Variants in COBL observed in about 807,000 individuals in gnomAD.
The protein encoded by COBL is cordon-bleu WH2 repeat protein, also known as protein cordon-bleu.
Under a neutral mutation model 98.8 loss-of-function variants are expected in COBL, and 51 were observed. The observed-to-expected ratio is 0.52, with a 90% CI of 0.41 to 0.65. The LOEUF (loss-of-function observed/expected upper bound fraction) is 0.65, where lower values mean the gene tolerates loss of function less well. COBL is among the 30% of genes least tolerant of loss of function. The probability of loss-of-function intolerance (pLI) is 0.00; values close to 1 mark genes in which losing one functional copy is unlikely to be tolerated. For synonymous variants in COBL, 634 were observed against 651.7 expected (o/e 0.97, Z 0.41); for missense variants, 1,617 against 1,617.5 (o/e 1.00, Z 0.01).
chr7:51,082,131 C>T (rs1793715005), intron 7 of COBL, among the ~76,000 whole-genome samples: 1 of 152,036 alleles, frequency 6.6e-6, no homozygotes, highest in African/African-American at 2.4e-5. Flanking sequence ...GTCAACACTT[C>T]CAAAGAAGAC....
At chr7:51,148,825 T>G (rs1365218307) in intron 5 of COBL, among the ~76,000 whole-genome samples, 4 of 151,894 alleles carry the variant, frequency 2.6e-5, no homozygotes. Context: ...GGGCTGGCCA[T>G]TCAGACACCC....
At chr7:51,216,078 C>A (rs1793010727) in intron 2 of COBL, among the ~76,000 whole-genome samples, 3 of 152,256 alleles carry the variant, frequency 2.0e-5, no homozygotes, top group Admixed American at 2.0e-4. Context: ...TCTGCCCTAG[C>A]CCTTGGCCTT....
intron 1 of COBL, among the ~76,000 whole-genome samples, chr7:51,297,817 TCTC>T (rs536940247): frequency 1.3e-5 from 2 of 152,152 alleles, no homozygotes; most frequent in African/African-American, 4.8e-5. Flanking sequence ...TTATAAAAAG[TCTC>T]CTCTTCAGAG....
intron 1 of COBL, among the ~76,000 whole-genome samples, chr7:51,315,763 G>T (rs1203450813): frequency 6.6e-6 from 1 of 152,250 alleles, no homozygotes; most frequent in Non-Finnish European, 1.5e-5. Context: ...GAGCAGGGCT[G>T]CTCGTCCTGT....
chr7:51,288,922 G>T (rs541795516), intron 1 of COBL, among the ~76,000 whole-genome samples: 3 of 152,214 alleles, frequency 2.0e-5, no homozygotes, highest in African/African-American at 7.2e-5. Flanking sequence ...ATATGAACAA[G>T]AACAATATAA....
At chr7:51,158,821 G>C (rs1786467210) in intron 5 of COBL, among the ~76,000 whole-genome samples, 1 of 152,230 alleles carries the variant, frequency 6.6e-6, no homozygotes, top group African/African-American at 2.4e-5. Flanking sequence ...CCTGAGCCAG[G>C]GGTGTCCATA....
intron 2 of COBL, among the ~76,000 whole-genome samples, chr7:51,198,062 T>C (rs749249355): frequency 6.6e-6 from 1 of 152,228 alleles, no homozygotes; most frequent in Non-Finnish European, 1.5e-5. Context: ...TATCATGATG[T>C]TAGCTGGTTA....
chr7:51,231,685 C>A (rs1002428276), intron 1 of COBL, among the ~76,000 whole-genome samples: 2 of 152,142 alleles, frequency 1.3e-5, no homozygotes, highest in African/African-American at 4.8e-5. Context: ...TCAGGTGACC[C>A]AAGAGGACTT....
At chr7:51,208,564 C>T (rs894203910) in intron 2 of COBL, among the ~76,000 whole-genome samples, 6 of 152,234 alleles carry the variant, frequency 3.9e-5, no homozygotes, top group Admixed American at 1.3e-4. Context: ...GGAGGCGTGC[C>T]CAGCGGCTCA....
intron 5 of COBL, among the ~76,000 whole-genome samples, chr7:51,164,794 A>G (rs188770465): frequency 1.3e-5 from 2 of 152,280 alleles, no homozygotes; most frequent in African/African-American, 4.8e-5. Flanking sequence ...ATCAAAAATG[A>G]TAACTACAGC....
At chr7:51,248,032 G>C (rs558913199) in intron 1 of COBL, among the ~76,000 whole-genome samples, 15 of 152,124 alleles carry the variant, frequency 9.9e-5, no homozygotes, top group South Asian at 2.1e-4. Context: ...CCACCTACTC[G>C]GGAGGCTGAG....
chr7:51,166,967 G>T (rs1731380838), intron 5 of COBL, among the ~76,000 whole-genome samples: 1 of 152,056 alleles, frequency 6.6e-6, no homozygotes, highest in African/African-American at 2.4e-5. Context: ...CATAATAAAA[G>T]CCATATACAA....
chr7:51,188,893 G>A (rs182789576), intron 4 of COBL, among the ~76,000 whole-genome samples: 63 of 152,278 alleles, frequency 4.1e-4, no homozygotes, highest in Non-Finnish European at 6.6e-4. Context: ...TACCTTTCAA[G>A]ATACATCCAA....
chr7:51,175,240 C>CT (rs1325645790), intron 5 of COBL, among the ~76,000 whole-genome samples: 3 of 152,246 alleles, frequency 2.0e-5, no homozygotes, highest in Non-Finnish European at 4.4e-5. Flanking sequence ...ACATAGCACG[C>CT]TTTTAAAACT....
intron 1 of COBL, among the ~76,000 whole-genome samples, chr7:51,243,735 G>A (rs973238442): frequency 2.6e-5 from 4 of 152,192 alleles, no homozygotes; most frequent in Admixed American, 6.5e-5. Context: ...AGTGATTGTC[G>A]GAGTTGGGGA....
At chr7:51,046,055 C>T (rs537471719) in intron 7 of COBL, among the ~76,000 whole-genome samples, 1 of 121,366 alleles carries the variant, frequency 8.2e-6, no homozygotes, top group East Asian at 2.4e-4. Flanking sequence ...GGTGCAGAAG[C>T]AGGTGGGGGT....
intron 6 of COBL, among the ~76,000 whole-genome samples, chr7:51,111,466 T>A (rs1796815484): frequency 6.6e-6 from 1 of 152,202 alleles, no homozygotes; most frequent in African/African-American, 2.4e-5. Context: ...ACTAGCTGCA[T>A]AATTGTAAGC....
intron 1 of COBL, among the ~76,000 whole-genome samples, chr7:51,251,788 A>T (rs1263345370): frequency 6.6e-6 from 1 of 152,234 alleles, no homozygotes; most frequent in African/African-American, 2.4e-5. Context: ...AAATGTTGAA[A>T]GATTGGTACA....
At chr7:51,151,296 C>G (rs1252110024) in intron 5 of COBL, among the ~76,000 whole-genome samples, 1 of 152,178 alleles carries the variant, frequency 6.6e-6, no homozygotes, top group Non-Finnish European at 1.5e-5. Context: ...CAGCAGCTAT[C>G]CCACCCAGTT....
Sources: allele counts gnomAD v4.1 joint callset (sites outside exome capture counted in the v4.1 genomes callset), GRCh38; gene constraint gnomAD v4.1.1; transcripts MANE v1.5; gene names NCBI Gene and HGNC (gene_info 2026-07-23, HGNC 2026-07-21).